The following VPS13B variants were observed in gnomAD, a reference collection of about 807,000 sequenced individuals.
VPS13B encodes vacuolar protein sorting 13 homolog B.
VPS13B carries 285 observed loss-of-function variants against 426.4 expected under a neutral mutation model. That is an observed-to-expected ratio of 0.67 (90% CI 0.61 to 0.74). The LOEUF (loss-of-function observed/expected upper bound fraction) is 0.74, where lower values mean the gene tolerates loss of function less well. VPS13B is among the 30% of genes least tolerant of loss of function. VPS13B has a pLI of 0.00. For synonymous variants in VPS13B, 1,676 were observed against 1,676.4 expected, an observed-to-expected ratio of 1.00 and a Z score of 0.01; for missense variants, 4,537 against 4,782.6, an observed-to-expected ratio of 0.95 and a Z score of 1.51.
chr8:99,857,299 A>C (rs982686684), intron 56 of VPS13B, among the ~76,000 whole-genome samples: 1 of 152,206 alleles, frequency 6.6e-6, no homozygotes, highest in African/African-American at 2.4e-5. Flanking sequence ...CGACCTGAAC[A>C]GGCCTGTCGT....
chr8:99,490,326 C>T (rs1011728332), intron 25 of VPS13B, among the ~76,000 whole-genome samples: 6 of 152,156 alleles, frequency 3.9e-5, no homozygotes, highest in South Asian at 2.1e-4. Flanking sequence ...ATGATTTTCG[C>T]GTTGATGTTC....
intron 17 of VPS13B, among the ~76,000 whole-genome samples, chr8:99,206,062 A>T (rs1005212233): frequency 6.6e-6 from 1 of 152,152 alleles, no homozygotes; most frequent in East Asian, 1.9e-4. Context: ...CGTGTTTCTG[A>T]TGGCTCTTAA....
intron 61 of VPS13B, chr8:99,875,061 G>A: frequency 3.0e-6 from 1 of 334,068 alleles, no homozygotes; most frequent in South Asian, 2.7e-5. Flanking sequence ...TTTATGTGGA[G>A]GAAAGATTTT....
At chr8:99,551,309 CTTAAG>C (rs995981590) in intron 30 of VPS13B, among the ~76,000 whole-genome samples, 33 of 151,988 alleles carry the variant, frequency 2.2e-4, no homozygotes, top group African/African-American at 7.0e-4. Context: ...AATTTAATTA[CTTAAG>C]TTTTTTGTCA....
At chr8:99,268,706 T>C (rs1440226424) in intron 17 of VPS13B, among the ~76,000 whole-genome samples, 3 of 152,144 alleles carry the variant, frequency 2.0e-5, no homozygotes, top group African/African-American at 7.2e-5. Context: ...GACTTTGGAC[T>C]TGGAGTTTTG....
At chr8:99,696,519 T>G in intron 35 of VPS13B, 1 of 449,190 alleles carries the variant, frequency 2.2e-6, no homozygotes, top group East Asian at 5.1e-5. Flanking sequence ...GGTTGTCCAG[T>G]TCATGGAATT....
At chr8:99,357,686 T>G (rs988419577) in intron 19 of VPS13B, among the ~76,000 whole-genome samples, 9 of 152,204 alleles carry the variant, frequency 5.9e-5, no homozygotes, top group Non-Finnish European at 1.3e-4. Context: ...ATTTTAGTAC[T>G]TAATAGCTGT....
At position 99,511,051 on chromosome 8, in the gene VPS13B, A is replaced by T. The variant is rs181958643; in HGVS notation, c.4225-53A>T. On this transcript the variant is annotated intron_variant, in intron 28 of 61. Transcript: ENST00000357162. ...GGTCATTTTCTTCTTTCCAATTTTT[A>T]AAAAAAATCTTTTTAATGAACTGTG... 1,318 of 1,592,012 alleles carry T rather than the reference A, an allele frequency of 8.3e-4. 4 individuals are homozygous for T. The highest frequency in any genetic ancestry group is 2.6e-3 in the South Asian group (238 of 90,652).
At chr8:99,864,269 G>T (rs1816983196) in intron 58 of VPS13B, among the ~76,000 whole-genome samples, 1 of 152,156 alleles carries the variant, frequency 6.6e-6, no homozygotes, top group East Asian at 1.9e-4. Context: ...TGAAATCCAG[G>T]CCGGGTACAT....
At chr8:99,870,498 G>C (rs923619068) in intron 59 of VPS13B, among the ~76,000 whole-genome samples, 1 of 152,120 alleles carries the variant, frequency 6.6e-6, no homozygotes, top group Non-Finnish European at 1.5e-5. Flanking sequence ...ATGATGTCTA[G>C]GCTATTGTTC....
At chr8:99,767,306 C>A (rs569355317) in intron 40 of VPS13B, among the ~76,000 whole-genome samples, 91 of 151,726 alleles carry the variant, frequency 6.0e-4, no homozygotes, top group African/African-American at 2.1e-3. Context: ...ATACACACAC[C>A]TCAATAGAAG....
At chr8:99,293,291 AAAGGATTCCCTATTT>A (rs1398869134) in intron 19 of VPS13B, among the ~76,000 whole-genome samples, 9 of 122,648 alleles carry the variant, frequency 7.3e-5, no homozygotes, top group African/African-American at 2.8e-4. Flanking sequence ...AGCAATGGGG[AAAGGATTCCCTATTT>A]AATAAATGGT....
intron 38 of VPS13B, 75 bp from the exon 39 acceptor site, chr8:99,720,788 T>A (rs1833100788): frequency 1.4e-5 from 20 of 1,387,122 alleles, no homozygotes; most frequent in Non-Finnish European, 2.0e-5. Flanking sequence ...TCTCATAATT[T>A]CTTCTTCCTT....
chr8:99,696,198 G>A (rs1271674555), intron 35 of VPS13B: 2 of 177,052 alleles, frequency 1.1e-5, no homozygotes, highest in Non-Finnish European at 2.4e-5. Flanking sequence ...TCTTCACGCC[G>A]TGTCTCTGAT....
In VPS13B at chr8:99,467,569, C is replaced by T. The variant is rs775498032; in HGVS notation, c.3601C>T (p.His1201Tyr). Residue 1201 changes from histidine (H) to tyrosine (Y), a missense_variant, in exon 24 of 62, where the codon CAT (histidine) becomes TAT (tyrosine). Around this residue, in one of 2 missense-constraint regions of VPS13B, gnomAD observed 4,311 missense variants for 4,474.3 expected, o/e 0.96. Transcript: ENST00000357162. ...KLLATGPDTR[H>Y]SFVVCLHVDL... Reference sequence around the variant, plus strand: ...GCTTGCTACGGGACCTGATACACGACATTCATTTGTTGTCTGTCTCCATGT... The same window carrying T: ...GCTTGCTACGGGACCTGATACACGATATTCATTTGTTGTCTGTCTCCATGT... 2 of 1,613,816 alleles carry T rather than the reference C, an allele frequency of 1.2e-6. No individual in the cohort carries two copies. The highest frequency in any genetic ancestry group is 1.7e-6 in the Non-Finnish European group (2 of 1,179,822).
chr8:99,696,927 T>C (rs987705429), intron 35 of VPS13B: 3 of 710,296 alleles, frequency 4.2e-6, no homozygotes, highest in Non-Finnish European at 5.3e-6. Context: ...TAAAGGCCAA[T>C]GATAAGCTGA....
At chr8:99,115,651 C>A in intron 6 of VPS13B, 49 bp from the exon 7 acceptor site, 1 of 1,571,006 alleles carries the variant, frequency 6.4e-7, no homozygotes, top group Non-Finnish European at 8.7e-7. Context: ...GTAAAAAATA[C>A]TCTTTTTAAA....
chr8:99,549,534 G>A (rs1002369891), intron 30 of VPS13B, among the ~76,000 whole-genome samples: 13 of 151,974 alleles, frequency 8.6e-5, no homozygotes, highest in Non-Finnish European at 1.5e-5. Flanking sequence ...TCATAATTAA[G>A]ACAGAAACCC....
At chr8:99,231,412 C>T (rs1340752785) in intron 17 of VPS13B, among the ~76,000 whole-genome samples, 2 of 152,108 alleles carry the variant, frequency 1.3e-5, no homozygotes, top group East Asian at 3.8e-4. Context: ...ACATGTTCAT[C>T]CTTTAGTGCA....
Sources: allele counts gnomAD v4.1 joint callset (sites outside exome capture counted in the v4.1 genomes callset), GRCh38; gene constraint gnomAD v4.1.1; regional missense constraint gnomAD v4.1.1; transcripts MANE v1.5; gene names NCBI Gene and HGNC (gene_info 2026-07-23, HGNC 2026-07-21).